Variants in POGLUT1 observed in about 807,000 individuals in gnomAD.
POGLUT1 encodes the protein protein O-glucosyltransferase 1, also known as 9630046K23Rik.
A neutral mutation model predicts 61.3 loss-of-function variants in POGLUT1; 32 were observed. That is an observed-to-expected ratio of 0.52 (90% CI 0.39 to 0.70). The LOEUF (loss-of-function observed/expected upper bound fraction) is 0.70. POGLUT1 is among the 30% of genes least tolerant of loss of function. The probability of loss-of-function intolerance (pLI) is 0.00; values close to 1 mark genes in which losing one functional copy is unlikely to be tolerated. For missense variants in POGLUT1, 411 were observed against 469.8 expected (o/e 0.87, Z 1.16); for synonymous variants, 158 against 158.2 (o/e 1.00, Z 0.01).
At chr3:119,480,741 CTTT>C (rs549105221) in intron 5 of POGLUT1, among the ~76,000 whole-genome samples, 12 of 138,222 alleles carry the variant, frequency 8.7e-5, no homozygotes, top group Non-Finnish European at 7.9e-5. Flanking sequence ...ATTTTTCTTT[CTTT>C]TTTTTTTTTT....
intron 1 of POGLUT1, among the ~76,000 whole-genome samples, chr3:119,469,434 C>G (rs903968267): frequency 6.6e-6 from 1 of 152,216 alleles, no homozygotes; most frequent in Non-Finnish European, 1.5e-5. Context: ...GGGCAAATGT[C>G]GTGCGCGCGA....
intron 8 of POGLUT1, 143 bp downstream of exon 8, chr3:119,489,130 C>T: frequency 2.0e-6 from 1 of 511,276 alleles, no homozygotes; most frequent in East Asian, 2.9e-5. Context: ...TTCCTCAGGG[C>T]CTAAATGCAC....
intron 5 of POGLUT1, among the ~76,000 whole-genome samples, chr3:119,483,041 C>T (rs1237129716): frequency 1.3e-5 from 2 of 152,152 alleles, no homozygotes. Context: ...ACAGCTTCCC[C>T]AGGAGCCAAG....
chr3:119,488,669 G>T (rs2081702165), intron 7 of POGLUT1: 1 of 279,676 alleles, frequency 3.6e-6, no homozygotes, highest in Non-Finnish European at 6.9e-6. Context: ...ATGGCTTTAG[G>T]TGTGCTTAAA....
chr3:119,470,152 A>G (rs1459047623), intron 2 of POGLUT1, among the ~76,000 whole-genome samples: 1 of 152,334 alleles, frequency 6.6e-6, no homozygotes, highest in Non-Finnish European at 1.5e-5. Context: ...TCCTGAGGTC[A>G]GGGTCTGTGT....
intron 7 of POGLUT1, 114 bp downstream of exon 7, chr3:119,487,046 A>C: frequency 1.3e-6 from 1 of 741,956 alleles, no homozygotes. Flanking sequence ...GGTGAATGTA[A>C]AGAAAGTTCC....
In POGLUT1 at chr3:119,473,865, T is replaced by G. The variant is rs201905081; in HGVS notation, c.320+2413T>G. On this transcript the variant is annotated intron_variant, in intron 3 of 10. Transcript: ENST00000295588. ...TAGTAGAGACGGGGTTTCACCTCGT[T>G]CGTCAGGCTGGTCTCAAACTCCTGA... 4.6e-5 allele frequency among the ~76,000 whole-genome samples: 7 copies of G among 152,254 alleles called. No individual in the cohort carries two copies. In the East Asian group the frequency reaches 1.4e-3, roughly 29 times the overall value.
chr3:119,486,711 C>T (rs113090377), intron 6 of POGLUT1, 122 bp from the exon 7 acceptor site: 366 of 740,840 alleles, frequency 4.9e-4, no homozygotes, highest in African/African-American at 1.7e-3. Context: ...GTCACGTCAC[C>T]AGTGAATTGT....
Position 119,471,426 on chromosome 3 carries a change from G to A in POGLUT1, c.294G>A (p.Arg98=), listed in dbSNP as rs149506932. The change falls in exon 3 of 11, where the codon CGG becomes CGA. Residue 98 remains arginine, a synonymous_variant. Transcript: ENST00000295588. ...AGATCACTAAGAACAGACTGTACCG[G>A]GAAAATGACTGCATGTTCCCCTCAA... ...HYQITKNRLY[R]ENDCMFPSRC... The A allele has an allele frequency of 6.2e-7, 1 of 1,613,924 alleles. No individual in the cohort carries two copies. The highest frequency in any genetic ancestry group is 8.5e-7 in the Non-Finnish European group (1 of 1,179,924).
chr3:119,492,410 T>C lies in POGLUT1; in HGVS notation c.1151T>C (p.Ile384Thr). The C allele has an allele frequency of 1.9e-6, 3 of 1,604,848 alleles. No homozygotes were observed. In the South Asian group the frequency reaches 3.3e-5, roughly 18 times the overall value. The change falls in exon 11 of 11, where the codon ATT becomes ACT. Residue 384 changes from isoleucine (I) to threonine (T), a missense_variant. By Grantham distance (89) the Ile-to-Thr change is moderately conservative. Coordinates refer to ENST00000295588, the MANE Select transcript of POGLUT1 (RefSeq NM_152305.3). ...AGAAGGAAAGGTTATGATCAAATTA[T>C]TCCCAAAATGTTGAAAACTGAACTA... ...VTRRKGYDQIIPKMLKTEL is the reference protein window; with the variant it reads ...VTRRKGYDQITPKMLKTEL
chr3:119,486,981 CAA>C, intron 7 of POGLUT1, 49 bp downstream of exon 7: 1 of 1,187,810 alleles, frequency 8.4e-7, no homozygotes. Context: ...CATTCTCACT[CAA>C]AGAACATTGC....
chr3:119,485,464 A>G lies in POGLUT1; in HGVS notation c.638+77A>G, dbSNP rs182427486. ...TGTAAGTAACTTTGAGGGTATGACAAGCTCTGTAGTTCAAAGGGAAAGCTA... is the reference window on the plus strand; with the variant it reads ...TGTAAGTAACTTTGAGGGTATGACAGGCTCTGTAGTTCAAAGGGAAAGCTA... On this transcript the variant is annotated intron_variant, in intron 6 of 10. Coordinates refer to ENST00000295588, the MANE Select transcript of POGLUT1 (RefSeq NM_152305.3). 9.0e-3 allele frequency: 8,083 copies of G among 902,196 alleles called. 89 individuals are homozygous for G. The highest frequency in any genetic ancestry group is 8.4e-3 in the Non-Finnish European group (4,658 of 556,144). The allele number at this position is 902,196 out of a possible 1,614,324, so 55.9% of individuals were successfully genotyped here. A position where few individuals can be genotyped will look rare whatever the true frequency, so the allele number is the denominator to read the frequency against.
At position 119,492,611 on chromosome 3, in the gene POGLUT1, G is replaced by A. The variant is rs544547331; in HGVS notation, c.*173G>A. On this transcript the variant is annotated 3_prime_UTR_variant, in exon 11 of 11. Coordinates refer to ENST00000295588, the MANE Select transcript of POGLUT1 (RefSeq NM_152305.3). ...AACTCTTGAGAAAGATTTAAAATGT[G>A]TCTAATACACTGATATGAAGCAGTT... 1.7e-5 allele frequency: 7 copies of A among 402,028 alleles called. No homozygotes were observed. Among genetic ancestry groups the A allele is most frequent in the East Asian group, 7.8e-5 (2 of 25,684 alleles). The allele number at this position is 402,028 out of a possible 1,614,324, so 24.9% of individuals were successfully genotyped here.
At chr3:119,471,139 G>A (rs2081466261) in intron 2 of POGLUT1, among the ~76,000 whole-genome samples, 170 bp from the exon 3 acceptor site, 1 of 152,228 alleles carries the variant, frequency 6.6e-6, no homozygotes, top group South Asian at 2.1e-4. Flanking sequence ...TGCATTTGAT[G>A]TTTCAGATTA....
chr3:119,480,094 G>C lies in POGLUT1; in HGVS notation c.500G>C (p.Trp167Ser). The change falls in exon 5 of 11, where the codon TGG becomes TCG. Residue 167 changes from tryptophan (W) to serine (S), a missense_variant. By Grantham distance (177) the Trp-to-Ser change is radical. Transcript: ENST00000295588. ...HDIMYPAWTF[W>S]EGGPAVWPIY... The stretch of plus-strand genomic sequence containing the variant: ...ATCATGTATCCTGCTTGGACATTTT[G>C]GGAAGGGGGACCTGCTGTTTGGCCA... 6.2e-7 allele frequency: 1 copy of C among 1,613,124 alleles called. No homozygotes were observed. Among genetic ancestry groups the C allele is most frequent in the Non-Finnish European group, 8.5e-7 (1 of 1,179,638 alleles).
At chr3:119,470,501 G>A (rs1356351874) in intron 2 of POGLUT1, among the ~76,000 whole-genome samples, 12 of 152,266 alleles carry the variant, frequency 7.9e-5, no homozygotes, top group African/African-American at 2.4e-4. Flanking sequence ...GCTTGAACCC[G>A]GGAAGCAGAG....
intron 4 of POGLUT1, chr3:119,478,093 G>A: frequency 3.0e-6 from 1 of 335,844 alleles, no homozygotes; most frequent in Non-Finnish European, 5.8e-6. Flanking sequence ...TCAGTGCTCA[G>A]GTTCATGTAA....
At chr3:119,470,208 G>A (rs571199153) in intron 2 of POGLUT1, among the ~76,000 whole-genome samples, 2 of 152,256 alleles carry the variant, frequency 1.3e-5, no homozygotes, top group African/African-American at 2.4e-5. Flanking sequence ...GTGCGTGCTC[G>A]ATAAATATTG....
intron 9 of POGLUT1, among the ~76,000 whole-genome samples, chr3:119,491,184 TATAA>T (rs1309255806): frequency 6.8e-6 from 1 of 147,908 alleles, no homozygotes; most frequent in Non-Finnish European, 1.5e-5. Context: ...TTTTTCTATA[TATAA>T]ATATATTTAT....
Sources: allele counts gnomAD v4.1 joint callset (sites outside exome capture counted in the v4.1 genomes callset), GRCh38; gene constraint gnomAD v4.1.1; transcripts MANE v1.5; gene names NCBI Gene and HGNC (gene_info 2026-07-23, HGNC 2026-07-21).